RBFOX1: variants seen among roughly 807,000 people sequenced by gnomAD.
The protein encoded by RBFOX1 is RNA binding fox-1 homolog 1, also known as RNA binding protein fox-1 homolog 1.
In RBFOX1, 8 loss-of-function variants were observed where a neutral mutation model predicts 57.7. That is an observed-to-expected ratio of 0.14 (90% CI 0.08 to 0.25). The LOEUF (loss-of-function observed/expected upper bound fraction) is 0.25, where lower values mean the gene tolerates loss of function less well. Ranked by LOEUF, RBFOX1 falls within the 10% of genes least tolerant of loss-of-function variation. The probability of loss-of-function intolerance (pLI) is 1.00; values close to 1 mark genes in which losing one functional copy is unlikely to be tolerated. For synonymous variants in RBFOX1, 326 were observed against 222.4 expected, an observed-to-expected ratio of 1.47 and a Z score of -4.15; for missense variants, 611 against 548.5, an observed-to-expected ratio of 1.11 and a Z score of -1.14.
At chr16:5,683,884 C>G (rs2050423447) in intron 3 of RBFOX1, among the ~76,000 whole-genome samples, 1 of 150,826 alleles carries the variant, frequency 6.6e-6, no homozygotes, top group Non-Finnish European at 1.5e-5. Context: ...GTAAAATTGC[C>G]TAAGGTCTTC....
chr16:7,708,475 G>C (rs1488464657), intron 14 of RBFOX1, among the ~76,000 whole-genome samples: 7 of 148,898 alleles, frequency 4.7e-5, no homozygotes, highest in Admixed American at 4.1e-4. Context: ...GGAATAATAG[G>C]ATCAAAACCA....
intron 3 of RBFOX1, among the ~76,000 whole-genome samples, chr16:5,625,812 C>T (rs2048333190): frequency 6.6e-6 from 1 of 152,116 alleles, no homozygotes; most frequent in Non-Finnish European, 1.5e-5. Flanking sequence ...TCTGCCTCAG[C>T]CTCCCAAAGT....
chr16:6,531,049 T>C (rs1203233143), intron 2 of RBFOX1, among the ~76,000 whole-genome samples: 2 of 152,200 alleles, frequency 1.3e-5, no homozygotes, highest in African/African-American at 4.8e-5. Context: ...TCTTGAAATG[T>C]ACTAGCAAAC....
At chr16:7,375,913 G>T (rs866209571) in intron 4 of RBFOX1, among the ~76,000 whole-genome samples, 1 of 152,152 alleles carries the variant, frequency 6.6e-6, no homozygotes, top group Non-Finnish European at 1.5e-5. Flanking sequence ...TTGTGCCCAC[G>T]TCCTGCCTTA....
chr16:7,232,480 A>G (rs2093556683), intron 4 of RBFOX1, among the ~76,000 whole-genome samples: 2 of 152,252 alleles, frequency 1.3e-5, no homozygotes, highest in East Asian at 3.9e-4. Flanking sequence ...CTGCATGCAA[A>G]TACCTCCCCA....
chr16:6,521,279 T>C (rs2096492202), intron 2 of RBFOX1, among the ~76,000 whole-genome samples: 8 of 152,216 alleles, frequency 5.3e-5, no homozygotes, highest in Non-Finnish European at 7.4e-5. Context: ...TGCATGCACG[T>C]TTTTAAAGAA....
rs953525948 is a variant in RBFOX1, at chr16:7,263,633, C to T, written c.27+211535C>T. 6.6e-5 allele frequency among the ~76,000 whole-genome samples: 10 copies of T among 152,058 alleles called. 1 individual carries two copies. The highest frequency in any genetic ancestry group is 1.9e-4 in the African/African-American group (8 of 41,398). On this transcript the variant is annotated intron_variant, in intron 4 of 15. Transcript: ENST00000550418. ...TAGAAAGAGGCTGGGAACGGTGGCT[C>T]ACACCTGTAATCCCAGCACAGAGAG...
At chr16:6,053,306 C>T (rs1156458420) in intron 1 of RBFOX1, among the ~76,000 whole-genome samples, 2 of 152,156 alleles carry the variant, frequency 1.3e-5, no homozygotes, top group Non-Finnish European at 2.9e-5. Context: ...AGGAATTGCG[C>T]AGAGAGCTTG....
At chr16:7,686,876 A>C (rs1349190504) in intron 14 of RBFOX1, among the ~76,000 whole-genome samples, 1 of 152,118 alleles carries the variant, frequency 6.6e-6, no homozygotes, top group Non-Finnish European at 1.5e-5. Flanking sequence ...GGAACTGTTC[A>C]AGGTCTCCAA....
intron 1 of RBFOX1, among the ~76,000 whole-genome samples, chr16:6,230,816 A>T (rs887704736): frequency 6.6e-6 from 1 of 152,174 alleles, no homozygotes; most frequent in East Asian, 1.9e-4. Flanking sequence ...GTACAAAGAG[A>T]TGGAATAGAA....
At chr16:5,707,945 T>A (rs892534868) in intron 3 of RBFOX1, among the ~76,000 whole-genome samples, 1 of 152,210 alleles carries the variant, frequency 6.6e-6, no homozygotes, top group African/African-American at 2.4e-5. Flanking sequence ...GCTTTAGTTT[T>A]CTATTCACTA....
intron 3 of RBFOX1, among the ~76,000 whole-genome samples, chr16:6,824,885 G>A (rs2091896452): frequency 6.6e-6 from 1 of 150,608 alleles, no homozygotes; most frequent in African/African-American, 2.4e-5. Flanking sequence ...ATTGAAAGTG[G>A]TATTGTTGGG....
chr16:7,270,181 C>T (rs779665344), intron 4 of RBFOX1, among the ~76,000 whole-genome samples: 1 of 152,166 alleles, frequency 6.6e-6, no homozygotes, highest in African/African-American at 2.4e-5. Context: ...GAGCCTTAGC[C>T]AGGGCTCTGT....
chr16:6,039,841 G>A (rs2095417093), intron 1 of RBFOX1, among the ~76,000 whole-genome samples: 1 of 152,246 alleles, frequency 6.6e-6, no homozygotes, highest in Admixed American at 6.5e-5. Context: ...GGCTGGCGCT[G>A]TGTCACCTGA....
intron 4 of RBFOX1, among the ~76,000 whole-genome samples, chr16:7,433,885 A>T (rs976771913): frequency 6.6e-6 from 1 of 152,218 alleles, no homozygotes; most frequent in Non-Finnish European, 1.5e-5. Context: ...AAGGTAAATG[A>T]GGCCATCTCC....
In RBFOX1 at chr16:6,714,043, A is replaced by G. The variant is rs531060873; in HGVS notation, c.-16+59393A>G. On this transcript the variant is annotated intron_variant, in intron 3 of 15. Transcript: ENST00000550418. ...ACCCATGTGTGGAGGAAGAGAAGTCATTGGATTGTGGGGGTGGTTTCCCCC... is the reference window on the plus strand; with the variant it reads ...ACCCATGTGTGGAGGAAGAGAAGTCGTTGGATTGTGGGGGTGGTTTCCCCC... Among the ~76,000 whole-genome samples the G allele has an allele frequency of 2.6e-5, 4 of 152,346 alleles. No individual in the cohort carries two copies. In the East Asian group the frequency reaches 7.7e-4, roughly 29 times the overall value.
chr16:7,265,968 T>G (rs970108246), intron 4 of RBFOX1, among the ~76,000 whole-genome samples: 6 of 132,412 alleles, frequency 4.5e-5, no homozygotes, highest in Admixed American at 7.4e-5. Flanking sequence ...GTTTTTGTTT[T>G]TTTTTTTTTT....
chr16:6,406,065 C>T (rs1022520249), intron 2 of RBFOX1, among the ~76,000 whole-genome samples: 1 of 152,172 alleles, frequency 6.6e-6, no homozygotes, highest in Non-Finnish European at 1.5e-5. Context: ...CACATATGTC[C>T]TGGTGGATCT....
At chr16:6,193,414 A>ATATATAT (rs2097159463) in intron 1 of RBFOX1, among the ~76,000 whole-genome samples, 1 of 118,274 alleles carries the variant, frequency 8.5e-6, no homozygotes, top group Non-Finnish European at 1.8e-5. Flanking sequence ...ATATATATAT[A>ATATATAT]TATATATATA....
Sources: allele counts gnomAD v4.1 joint callset (sites outside exome capture counted in the v4.1 genomes callset), GRCh38; gene constraint gnomAD v4.1.1; transcripts MANE v1.5; gene names NCBI Gene and HGNC (gene_info 2026-07-23, HGNC 2026-07-21).